Variants in PPM1B observed in about 807,000 individuals in gnomAD.
PPM1B encodes the protein protein phosphatase, Mg2+/Mn2+ dependent 1B.
Under a neutral mutation model 43.0 loss-of-function variants are expected in PPM1B, and 22 were observed. The ratio of observed to expected loss-of-function variants is 0.51; its 90% CI spans 0.37 to 0.73. The LOEUF (loss-of-function observed/expected upper bound fraction) is 0.73, where lower values mean the gene tolerates loss of function less well. PPM1B is among the 30% of genes least tolerant of loss of function. PPM1B has a pLI of 0.00. For synonymous variants in PPM1B, 217 were observed against 197.9 expected, an observed-to-expected ratio of 1.10 and a Z score of -0.81; for missense variants, 632 against 584.2, an observed-to-expected ratio of 1.08 and a Z score of -0.84.
chr2:44,178,281 A>C (rs1384014075), intron 1 of PPM1B, among the ~76,000 whole-genome samples: 1 of 151,852 alleles, frequency 6.6e-6, no homozygotes, highest in Non-Finnish European at 1.5e-5. Context: ...AATTTTAATC[A>C]ATGGTCTAAA....
intron 5 of PPM1B, among the ~76,000 whole-genome samples, chr2:44,241,985 A>G (rs1240516009): frequency 1.4e-5 from 2 of 141,536 alleles, no homozygotes; most frequent in Non-Finnish European, 3.0e-5. Flanking sequence ...CAGCCTTCCG[A>G]GTAGCTGGGA....
chr2:44,192,872 C>T (rs1381556224), intron 1 of PPM1B, among the ~76,000 whole-genome samples: 3 of 152,200 alleles, frequency 2.0e-5, no homozygotes, highest in Non-Finnish European at 2.9e-5. Context: ...CCAGGTTCAT[C>T]CATGTTGTTG....
chr2:44,221,415 T>G (rs1391149007), intron 5 of PPM1B, among the ~76,000 whole-genome samples: 2 of 152,158 alleles, frequency 1.3e-5, no homozygotes, highest in Non-Finnish European at 2.9e-5. Context: ...TCTGAGCTCT[T>G]AACTTGACCC....
intron 2 of PPM1B, among the ~76,000 whole-genome samples, chr2:44,207,240 A>C (rs1669232042): frequency 6.6e-6 from 1 of 152,192 alleles, no homozygotes; most frequent in Non-Finnish European, 1.5e-5. Context: ...TGTGTCATGT[A>C]GGTTCTGAAA....
chr2:44,213,027 A>G (rs1010450689), intron 3 of PPM1B, among the ~76,000 whole-genome samples: 4 of 151,050 alleles, frequency 2.6e-5, no homozygotes, highest in Admixed American at 2.6e-4. Flanking sequence ...AAAAAAAAAA[A>G]AAAAAATTCC....
In PPM1B at chr2:44,168,903, A is replaced by T. The variant is rs909842619; in HGVS notation, c.-386A>T. On this transcript the variant is annotated 5_prime_UTR_variant, in exon 1 of 6. An upstream start codon of the reference 5' UTR is lost. Coordinates refer to ENST00000282412, the MANE Select transcript of PPM1B (RefSeq NM_002706.6). ...AAAGGAGCCGAGCGGCTTCTGCTCA[A>T]TGGCGGAAAAGCCGCCGGTGCTCTG... 6.5e-6 allele frequency: 1 copy of T among 153,098 alleles called. No homozygotes were observed. The highest frequency in any genetic ancestry group is 2.4e-5 in the African/African-American group (1 of 41,468). 9.5% of individuals were successfully genotyped at this position (153,098 alleles called of 1,614,324 possible). A position where few individuals can be genotyped will look rare whatever the true frequency, so the allele number is the denominator to read the frequency against.
chr2:44,179,271 T>G (rs1258451035), intron 1 of PPM1B, among the ~76,000 whole-genome samples: 2 of 152,234 alleles, frequency 1.3e-5, no homozygotes, highest in African/African-American at 4.8e-5. Context: ...CTCTTTCTTT[T>G]GTAAATTGCA....
intron 1 of PPM1B, among the ~76,000 whole-genome samples, chr2:44,175,667 G>C (rs1667549038): frequency 6.6e-6 from 1 of 152,066 alleles, no homozygotes; most frequent in Non-Finnish European, 1.5e-5. Context: ...GCTGTGATTA[G>C]AGCTTTACTA....
At chr2:44,172,729 G>C (rs568209581) in intron 1 of PPM1B, among the ~76,000 whole-genome samples, 4 of 152,142 alleles carry the variant, frequency 2.6e-5, no homozygotes, top group Admixed American at 2.6e-4. Context: ...GGGCAACATA[G>C]CAAGACCCTG....
At chr2:44,242,198 TTTAA>T in intron 5 of PPM1B, among the ~76,000 whole-genome samples, 1 of 152,304 alleles carries the variant, frequency 6.6e-6, no homozygotes, top group Middle Eastern at 3.4e-3. Flanking sequence ...TATTTCGTAG[TTTAA>T]TTGGCAGCAT....
chr2:44,236,351 C>T (rs1456411845), downstream of PPM1B, among the ~76,000 whole-genome samples: 1 of 137,932 alleles, frequency 7.2e-6, no homozygotes, highest in Non-Finnish European at 1.5e-5. Flanking sequence ...TGCAGTGAGC[C>T]GAGATCGCGC....
chr2:44,228,729 G>A (rs919800166), intron 5 of PPM1B, among the ~76,000 whole-genome samples: 7 of 152,052 alleles, frequency 4.6e-5, no homozygotes, highest in African/African-American at 1.7e-4. Flanking sequence ...GCTGTATATT[G>A]TCTCTCTAGA....
chr2:44,226,975 A>ATTTATTT (rs1558430093), intron 5 of PPM1B, among the ~76,000 whole-genome samples: 12 of 79,442 alleles, frequency 1.5e-4, no homozygotes, highest in Non-Finnish European at 2.5e-4. Flanking sequence ...TTTATTTATG[A>ATTTATTT]ATGAATGAAT....
intron 1 of PPM1B, among the ~76,000 whole-genome samples, chr2:44,187,474 A>T (rs945271598): frequency 7.9e-5 from 12 of 152,116 alleles, no homozygotes; most frequent in African/African-American, 2.9e-4. Flanking sequence ...TTTTATTTAT[A>T]ATTTTTTGAA....
chr2:44,229,529 T>G (rs1427162100), intron 5 of PPM1B, among the ~76,000 whole-genome samples: 1 of 152,214 alleles, frequency 6.6e-6, no homozygotes, highest in South Asian at 2.1e-4. Context: ...TGAATTCATA[T>G]GATTGTTTTC....
At position 44,220,240 on chromosome 2, in the gene PPM1B, C is replaced by G. The variant is rs569929393; in HGVS notation, c.1134+1703C>G. Among the ~76,000 whole-genome samples the G allele has an allele frequency of 6.7e-4, 101 of 150,018 alleles. No individual in the cohort carries two copies. In the South Asian group the frequency reaches 7.6e-3, roughly 11 times the overall value. ...CCTCAGGTGTTTCAAAGTGTCAACC[C>G]TCATGTGTAATCTTTAAAAATACAT... On this transcript the variant is annotated intron_variant, in intron 5 of 5. Coordinates refer to ENST00000282412, the MANE Select transcript of PPM1B (RefSeq NM_002706.6).
At chr2:44,171,099 C>T (rs575043216) in intron 1 of PPM1B, among the ~76,000 whole-genome samples, 69 of 152,260 alleles carry the variant, frequency 4.5e-4, no homozygotes, top group Admixed American at 1.8e-3. Context: ...AAGATTTCCC[C>T]AGTTTCTAGT....
intron 5 of PPM1B, among the ~76,000 whole-genome samples, chr2:44,242,649 A>G (rs1413665412): frequency 6.6e-6 from 1 of 152,182 alleles, no homozygotes; most frequent in Non-Finnish European, 1.5e-5. Flanking sequence ...TGGGTAAAAT[A>G]TTGTAACCTA....
intron 1 of PPM1B, among the ~76,000 whole-genome samples, chr2:44,174,971 A>G (rs566039586): frequency 1.3e-5 from 2 of 152,250 alleles, no homozygotes; most frequent in Admixed American, 6.5e-5. Context: ...AAAAGAGGAC[A>G]TGACTGGGCC....
Sources: gnomAD v4.1 joint callset for allele counts (sites outside exome capture counted in the v4.1 genomes callset) on GRCh38, gnomAD v4.1.1 for gene constraint, MANE v1.5 for transcripts, NCBI Gene and HGNC (gene_info 2026-07-23, HGNC 2026-07-21) for gene names.